Variants in BARX2 observed in about 807,000 individuals in gnomAD.
The protein encoded by BARX2 is BARX homeobox 2.
Under a neutral mutation model 25.5 loss-of-function variants are expected in BARX2, and 11 were observed. The ratio of observed to expected loss-of-function variants is 0.43; its 90% CI spans 0.27 to 0.71. The LOEUF (loss-of-function observed/expected upper bound fraction) is 0.71. BARX2 is among the 30% of genes least tolerant of loss of function. BARX2 has a pLI of 0.19. For missense variants in BARX2, 360 were observed against 359.9 expected, an observed-to-expected ratio of 1.00 and a Z score of 0.00; for synonymous variants, 137 against 149.5, an observed-to-expected ratio of 0.92 and a Z score of 0.61.
At chr11:129,408,502 C>G (rs943281632) in intron 1 of BARX2, among the ~76,000 whole-genome samples, 1 of 152,222 alleles carries the variant, frequency 6.6e-6, no homozygotes, top group Admixed American at 6.5e-5. Flanking sequence ...TGACCTGGCC[C>G]TGCCTGTCTC....
At chr11:129,443,057 G>A in intron 3 of BARX2, 138 bp downstream of exon 3, 2 of 694,594 alleles carry the variant, frequency 2.9e-6, no homozygotes, top group Non-Finnish European at 5.0e-6. Context: ...GGCTTGCGGG[G>A]AAGCTGTTGG....
chr11:129,413,859 C>T (rs554961765), intron 1 of BARX2, among the ~76,000 whole-genome samples: 3 of 151,810 alleles, frequency 2.0e-5, no homozygotes, highest in Admixed American at 6.6e-5. Flanking sequence ...GTCAGGAGAT[C>T]GAGACAATCC....
Position 129,436,136 on chromosome 11 carries a change from G to A in BARX2, c.188-615G>A, listed in dbSNP as rs1862186071. 6.6e-6 allele frequency: 1 copy of A among 152,212 alleles called. No individual in the cohort carries two copies. Among genetic ancestry groups the A allele is most frequent in the African/African-American group, 2.4e-5 (1 of 41,432 alleles). The allele number at this position is 152,212 out of a possible 1,614,324, so 9.4% of individuals were successfully genotyped here. On this transcript the variant is annotated intron_variant, in intron 1 of 3. Coordinates refer to ENST00000281437, the MANE Select transcript of BARX2 (RefSeq NM_003658.5). The surrounding 1 kb of genome is among the most constrained non-coding windows in gnomAD (Gnocchi z 4.5). ...ATGGGACTTCAAGTCAGAAGAACTT[G>A]GTTTGACTCCTCCATCTGCTGCTTC...
chr11:129,430,353 ATACATAT>A (rs1159093731), intron 1 of BARX2, among the ~76,000 whole-genome samples: 48 of 152,302 alleles, frequency 3.2e-4, no homozygotes, highest in Non-Finnish European at 1.6e-4. Flanking sequence ...ATAGATTAAT[ATACATAT>A]TACTGGATTT....
intron 1 of BARX2, among the ~76,000 whole-genome samples, chr11:129,386,455 A>G (rs1350174292): frequency 2.0e-5 from 3 of 152,202 alleles, no homozygotes; most frequent in Admixed American, 2.0e-4. Context: ...TTGGCATGTT[A>G]TTATCTGTCC....
chr11:129,402,555 C>T (rs995770204), intron 1 of BARX2, among the ~76,000 whole-genome samples: 1 of 152,032 alleles, frequency 6.6e-6, no homozygotes, highest in African/African-American at 2.4e-5. Context: ...AATAATGGTG[C>T]CCTTTCATTT....
chr11:129,406,360 G>T (rs1861830354), intron 1 of BARX2, among the ~76,000 whole-genome samples: 2 of 152,194 alleles, frequency 1.3e-5, no homozygotes, highest in Admixed American at 6.5e-5. Flanking sequence ...TACCCAACTT[G>T]GTAGTAGCAG....
At chr11:129,395,513 T>C (rs1214211718) in intron 1 of BARX2, among the ~76,000 whole-genome samples, 1 of 152,190 alleles carries the variant, frequency 6.6e-6, no homozygotes, top group African/African-American at 2.4e-5. Context: ...GTGAGTTCCG[T>C]GCATTTAGGG....
At chr11:129,409,246 G>C (rs765931592) in intron 1 of BARX2, among the ~76,000 whole-genome samples, 3 of 152,154 alleles carry the variant, frequency 2.0e-5, no homozygotes, top group Non-Finnish European at 4.4e-5. Context: ...CCCACCCACC[G>C]TTCTCTGCCT....
intron 1 of BARX2, among the ~76,000 whole-genome samples, chr11:129,379,162 T>C (rs1565507203): frequency 6.6e-6 from 1 of 152,178 alleles, no homozygotes. Flanking sequence ...ATCATCCTAA[T>C]AGACACTGCA....
chr11:129,404,685 AT>A (rs1861812408), intron 1 of BARX2, among the ~76,000 whole-genome samples: 1 of 152,182 alleles, frequency 6.6e-6, no homozygotes, highest in African/African-American at 2.4e-5. Flanking sequence ...CTGTTATTTC[AT>A]GTTTCATTCC....
Position 129,413,016 on chromosome 11 carries a change from T to G in BARX2, c.188-23735T>G, listed in dbSNP as rs574064041. The stretch of plus-strand genomic sequence containing the variant: ...TTGGAAACTTACGTGCAGTGGGAGT[T>G]TGAAGAGGAATTCTTAGGTATGTTT... On this transcript the variant is annotated intron_variant, in intron 1 of 3. Coordinates refer to ENST00000281437, the MANE Select transcript of BARX2 (RefSeq NM_003658.5). 2.3e-4 allele frequency among the ~76,000 whole-genome samples: 35 copies of G among 151,902 alleles called. No homozygotes were observed. The South Asian group carries it at 4.6e-3, about 20-fold the overall frequency.
chr11:129,378,166 G>A (rs1032441), intron 1 of BARX2, among the ~76,000 whole-genome samples: 117,522 of 152,130 alleles, frequency 0.77, 45,903 homozygotes, highest in Admixed American at 0.85. Context: ...TTCTGGCTCC[G>A]TTATTCCAGT....
chr11:129,391,875 C>T (rs946562725), intron 1 of BARX2, among the ~76,000 whole-genome samples: 11 of 152,144 alleles, frequency 7.2e-5, no homozygotes, highest in African/African-American at 1.4e-4. Flanking sequence ...AGAGGCTGGG[C>T]GTGTCAGCAT....
intron 1 of BARX2, among the ~76,000 whole-genome samples, chr11:129,423,090 G>A (rs1862024438): frequency 6.7e-6 from 1 of 150,302 alleles, no homozygotes; most frequent in African/African-American, 2.5e-5. Context: ...ATTAGAATGT[G>A]TAGGGAGAAG....
chr11:129,423,100 G>A (rs944263957), intron 1 of BARX2, among the ~76,000 whole-genome samples: 2 of 145,696 alleles, frequency 1.4e-5, no homozygotes, highest in African/African-American at 5.1e-5. Flanking sequence ...GTAGGGAGAA[G>A]AATGAAATCA....
chr11:129,425,421 G>A (rs1175844652), intron 1 of BARX2, among the ~76,000 whole-genome samples: 2 of 152,192 alleles, frequency 1.3e-5, no homozygotes, highest in Non-Finnish European at 2.9e-5. Flanking sequence ...TGTGAAGCAT[G>A]GATGAAAGCA....
intron 1 of BARX2, among the ~76,000 whole-genome samples, chr11:129,401,902 G>A (rs150690678): frequency 0.092 from 13,883 of 150,542 alleles, 823 homozygotes; most frequent in East Asian, 0.29. Flanking sequence ...GTTGTAGTGA[G>A]CCAAGATTGC....
chr11:129,431,520 G>A (rs1384855060), intron 1 of BARX2, among the ~76,000 whole-genome samples: 1 of 152,160 alleles, frequency 6.6e-6, no homozygotes, highest in African/African-American at 2.4e-5. Context: ...CCTCTCTGTG[G>A]TTTTTAATTT....
Sources: allele counts gnomAD v4.1 joint callset (sites outside exome capture counted in the v4.1 genomes callset), GRCh38; gene constraint gnomAD v4.1.1; non-coding constraint Gnocchi (gnomAD v3.1); transcripts MANE v1.5; gene names NCBI Gene and HGNC (gene_info 2026-07-23, HGNC 2026-07-21).